ACSL3: variants seen among roughly 807,000 people sequenced by gnomAD.
ACSL3 encodes acyl-CoA synthetase long chain family member 3.
A neutral mutation model predicts 84.7 loss-of-function variants in ACSL3; 34 were observed. The ratio of observed to expected loss-of-function variants is 0.40; its 90% CI spans 0.31 to 0.53. ACSL3 has a LOEUF of 0.53. Ranked by LOEUF, ACSL3 falls within the 20% of genes least tolerant of loss-of-function variation. The probability of loss-of-function intolerance (pLI) is 0.48; values close to 1 mark genes in which losing one functional copy is unlikely to be tolerated. For synonymous variants in ACSL3, 315 were observed against 299.4 expected (o/e 1.05, Z -0.54); for missense variants, 680 against 873.1 (o/e 0.78, Z 2.79).
chr2:222,894,217 CAA>C (rs1695914823), intron 2 of ACSL3, among the ~76,000 whole-genome samples: 1 of 152,178 alleles, frequency 6.6e-6, no homozygotes, highest in Non-Finnish European at 1.5e-5. Flanking sequence ...TTTCATAACA[CAA>C]GATCTGAATA....
At chr2:222,863,628 C>A (rs1695066789) in intron 1 of ACSL3, among the ~76,000 whole-genome samples, 2 of 151,930 alleles carry the variant, frequency 1.3e-5, no homozygotes, top group Non-Finnish European at 2.9e-5. Context: ...GAAAGCTAGG[C>A]CAAGGGTGAT....
chr2:222,882,988 C>T (rs1022457590), intron 1 of ACSL3, among the ~76,000 whole-genome samples: 10 of 94,754 alleles, frequency 1.1e-4, no homozygotes, highest in African/African-American at 1.3e-4. Context: ...AGGATGGGCT[C>T]GAATCTCCTG....
chr2:222,866,151 C>CT (rs575819302), intron 1 of ACSL3, among the ~76,000 whole-genome samples: 125 of 147,118 alleles, frequency 8.5e-4, no homozygotes, highest in East Asian at 3.2e-3. Flanking sequence ...AAAATAGGTA[C>CT]TTTTTTTTTT....
chr2:222,868,072 A>G (rs983920030), intron 1 of ACSL3, among the ~76,000 whole-genome samples: 11 of 151,968 alleles, frequency 7.2e-5, no homozygotes, highest in Admixed American at 3.3e-4. Flanking sequence ...AATTCCATGC[A>G]TGACTGCAGG....
chr2:222,874,502 G>T (rs1323815965), intron 1 of ACSL3, among the ~76,000 whole-genome samples: 1 of 152,078 alleles, frequency 6.6e-6, no homozygotes, highest in Non-Finnish European at 1.5e-5. Flanking sequence ...ACCAGCCTGG[G>T]CAGTATAGGG....
chr2:222,892,323 A>G (rs527350120), intron 2 of ACSL3, among the ~76,000 whole-genome samples: 2 of 152,272 alleles, frequency 1.3e-5, no homozygotes, highest in East Asian at 3.9e-4. Context: ...TTTTAAAACC[A>G]TTCTCTTGAA....
At chr2:222,877,561 T>C (rs903322481) in intron 1 of ACSL3, among the ~76,000 whole-genome samples, 1 of 152,248 alleles carries the variant, frequency 6.6e-6, no homozygotes, top group African/African-American at 2.4e-5. Flanking sequence ...TATACACTTA[T>C]ACCTTTATAA....
In ACSL3 at chr2:222,908,813, TAA is replaced by T; in HGVS notation, c.44_45del (p.Lys15ThrfsTer41). 6.2e-7 allele frequency: 1 copy of T among 1,606,352 alleles called. No homozygotes were observed. The highest frequency in any genetic ancestry group is 8.5e-7 in the Non-Finnish European group (1 of 1,177,512). ...TCTTCAAAACCATCTACCATGAAGC[TAA>T]AACATACCATCAACCCTATTCTTTT... On this transcript the variant is annotated frameshift_variant, in exon 4 of 17. Coordinates refer to ENST00000357430, the MANE Select transcript of ACSL3 (RefSeq NM_004457.5). LOFTEE classifies it high-confidence loss of function.
intron 16 of ACSL3, among the ~76,000 whole-genome samples, 173 bp from the exon 17 acceptor site, chr2:222,941,324 A>G (rs538933162): frequency 6.6e-6 from 1 of 152,228 alleles, no homozygotes; most frequent in Non-Finnish European, 1.5e-5. Context: ...CTTGTTAAAT[A>G]GTTTATTGTT....
intron 5 of ACSL3, chr2:222,917,493 T>A (rs1574553365): frequency 6.6e-6 from 1 of 152,366 alleles, no homozygotes; most frequent in East Asian, 1.9e-4. Context: ...TCAAAGTCAT[T>A]TTGTGTATCT....
chr2:222,874,115 G>A (rs1046992655), intron 1 of ACSL3, among the ~76,000 whole-genome samples: 18 of 152,080 alleles, frequency 1.2e-4, no homozygotes, highest in Admixed American at 4.6e-4. Context: ...TCCATCTCCC[G>A]GATTCAGGTG....
At chr2:222,909,208 G>A (rs1265387838) in intron 4 of ACSL3, 58 bp downstream of exon 4, 1 of 1,517,312 alleles carries the variant, frequency 6.6e-7, no homozygotes, top group Non-Finnish European at 8.9e-7. Context: ...TGTTAGAAAT[G>A]AAGTAAAGGG....
intron 2 of ACSL3, among the ~76,000 whole-genome samples, chr2:222,891,836 A>G (rs959141555): frequency 6.6e-6 from 1 of 152,202 alleles, no homozygotes; most frequent in Non-Finnish European, 1.5e-5. Context: ...GTTAAAATAA[A>G]TATAGGCTTT....
Position 222,936,085 on chromosome 2 carries a change from A to T in ACSL3, c.2005+1398A>T, listed in dbSNP as rs377024577. On this transcript the variant is annotated intron_variant, in intron 16 of 16. Coordinates refer to ENST00000357430, the MANE Select transcript of ACSL3 (RefSeq NM_004457.5). ...TATTCATATTGTACCATGTGATAGG[A>T]TTTTTCTTTTTTAGGTTGCGTAATA... is the stretch of plus-strand genomic sequence containing the variant. Among the ~76,000 whole-genome samples, 32 of 151,834 alleles carry T rather than the reference A, an allele frequency of 2.1e-4. No homozygotes were observed. The East Asian group carries it at 5.8e-3, about 28-fold the overall frequency.
At chr2:222,923,758 A>G (rs933448818) in intron 10 of ACSL3, among the ~76,000 whole-genome samples, 7 of 150,174 alleles carry the variant, frequency 4.7e-5, no homozygotes, top group African/African-American at 1.5e-4. Context: ...GAATAATTAC[A>G]TAGTTACTTC....
Position 222,875,400 on chromosome 2 carries a change from G to A in ACSL3, c.-206-12430G>A, listed in dbSNP as rs139586325. Reference sequence around the variant, plus strand: ...ATCTATTCGTCATGATTCAGATCAGGATAATAATGAGTTGATCTGTGTAGT... The same window carrying A: ...ATCTATTCGTCATGATTCAGATCAGAATAATAATGAGTTGATCTGTGTAGT... On this transcript the variant is annotated intron_variant, in intron 1 of 16. Coordinates refer to ENST00000357430, the MANE Select transcript of ACSL3 (RefSeq NM_004457.5). 5.0e-3 allele frequency among the ~76,000 whole-genome samples: 754 copies of A among 152,228 alleles called. 20 individuals carry two copies. The highest frequency in any genetic ancestry group is 7.5e-4 in the Non-Finnish European group (51 of 68,008).
intron 1 of ACSL3, among the ~76,000 whole-genome samples, chr2:222,871,568 A>G (rs957600462): frequency 2.0e-5 from 3 of 152,224 alleles, no homozygotes; most frequent in African/African-American, 7.2e-5. Context: ...ATAACTCTCC[A>G]GCTGGCAGCC....
chr2:222,882,761 G>GTTGTT (rs1695621795), intron 1 of ACSL3, among the ~76,000 whole-genome samples: 1 of 119,982 alleles, frequency 8.3e-6, no homozygotes, highest in Admixed American at 9.2e-5. Context: ...CCAGATCACT[G>GTTGTT]TTTTTTTTTT....
At chr2:222,901,363 AAT>A (rs1186796920) in intron 3 of ACSL3, among the ~76,000 whole-genome samples, 51 of 152,326 alleles carry the variant, frequency 3.3e-4, no homozygotes, top group African/African-American at 1.2e-3. Flanking sequence ...AGTTGTCCAT[AAT>A]ATAAGGATTT....
Sources: gnomAD v4.1 joint callset for allele counts (sites outside exome capture counted in the v4.1 genomes callset) on GRCh38, gnomAD v4.1.1 for gene constraint, MANE v1.5 for transcripts, NCBI Gene and HGNC (gene_info 2026-07-23, HGNC 2026-07-21) for gene names.